ACSL5: variants seen among roughly 807,000 people sequenced by gnomAD.
ACSL5 encodes the protein long-chain-fatty-acid--CoA ligase 5.
Under a neutral mutation model 84.9 loss-of-function variants are expected in ACSL5, and 50 were observed. That is an observed-to-expected ratio of 0.59 (90% CI 0.47 to 0.75). ACSL5 has a LOEUF of 0.75. Ranked by LOEUF, ACSL5 falls within the 30% of genes least tolerant of loss-of-function variation. The pLI is 0.00. For synonymous variants in ACSL5, 280 were observed against 300.7 expected, an observed-to-expected ratio of 0.93 and a Z score of 0.71; for missense variants, 775 against 830.4, an observed-to-expected ratio of 0.93 and a Z score of 0.82.
intron 3 of ACSL5, among the ~76,000 whole-genome samples, chr10:112,402,113 A>G (rs146144461): frequency 6.6e-6 from 1 of 151,874 alleles, no homozygotes; most frequent in African/African-American, 2.4e-5. Flanking sequence ...CTACAGGCTC[A>G]TGCCACCACC....
chr10:112,375,930 C>T (rs1292177282), intron 1 of ACSL5, among the ~76,000 whole-genome samples: 3 of 152,170 alleles, frequency 2.0e-5, no homozygotes, highest in Admixed American at 6.5e-5. Flanking sequence ...TCCTGTCCTC[C>T]GAATCCAGCA....
chr10:112,409,543 AG>A lies in ACSL5; in HGVS notation c.571del (p.Ala191HisfsTer4). ...IAMVICDTPQKALVLIGNVEK... is the reference protein window; with the variant it reads ...IAMVICDTPQXALVLIGNVEK... Reference sequence around the variant, plus strand: ...ATGGTGATCTGTGACACACCCCAAAAGGCATTGGTGCTGATAGGGAATGTAG... The same window carrying A: ...ATGGTGATCTGTGACACACCCCAAAAGCATTGGTGCTGATAGGGAATGTAG... On this transcript the variant is annotated frameshift_variant, in exon 7 of 21. Coordinates refer to ENST00000354655, the MANE Select transcript of ACSL5 (RefSeq NM_203379.2). LOFTEE classifies it high-confidence loss of function. The A allele has an allele frequency of 6.2e-7, 1 of 1,613,842 alleles. No individual in the cohort carries two copies. Among genetic ancestry groups the A allele is most frequent in the Non-Finnish European group, 8.5e-7 (1 of 1,180,006 alleles).
chr10:112,375,795 C>T (rs1849226790), intron 1 of ACSL5, among the ~76,000 whole-genome samples: 1 of 152,198 alleles, frequency 6.6e-6, no homozygotes, highest in Admixed American at 6.5e-5. Flanking sequence ...TCCTGACTTG[C>T]TTATTTTCTT....
At chr10:112,382,612 C>A (rs1849371819) in intron 1 of ACSL5, among the ~76,000 whole-genome samples, 1 of 152,208 alleles carries the variant, frequency 6.6e-6, no homozygotes, top group African/African-American at 2.4e-5. Context: ...GCTCCTGTAG[C>A]TTTTCCTGTG....
intron 1 of ACSL5, among the ~76,000 whole-genome samples, chr10:112,386,653 A>G (rs1278260399): frequency 6.6e-6 from 1 of 152,202 alleles, no homozygotes; most frequent in African/African-American, 2.4e-5. Context: ...TTCCTAAGAA[A>G]GCCTTCATTA....
At chr10:112,396,709 C>T (rs1354364986) in intron 2 of ACSL5, among the ~76,000 whole-genome samples, 1 of 152,034 alleles carries the variant, frequency 6.6e-6, no homozygotes, top group Non-Finnish European at 1.5e-5. Context: ...CACACACACC[C>T]CTCCTTTCCT....
chr10:112,381,510 C>T (rs1480415271), intron 1 of ACSL5, among the ~76,000 whole-genome samples: 1 of 151,558 alleles, frequency 6.6e-6, no homozygotes, highest in Non-Finnish European at 1.5e-5. Flanking sequence ...ACTAAAAATA[C>T]AAAAATTAGC....
chr10:112,419,202 T>C (rs1414283747), intron 14 of ACSL5: 1 of 152,066 alleles, frequency 6.6e-6, no homozygotes, highest in Non-Finnish European at 1.5e-5. Context: ...TACAAGGCCT[T>C]ATTTGCCCAT....
At chr10:112,402,451 T>C in intron 3 of ACSL5, among the ~76,000 whole-genome samples, 1 of 152,196 alleles carries the variant, frequency 6.6e-6, no homozygotes. Context: ...TTAATGTTAG[T>C]ACAAATGATC....
rs188318812 is a variant in ACSL5, at chr10:112,422,302, C to T, written c.1477-23C>T. 47 of 1,598,322 alleles carry T rather than the reference C, an allele frequency of 2.9e-5. No homozygotes were observed. The African/African-American group carries it at 3.8e-4, about 13-fold the overall frequency. ...GAGGAGCAGCCTTTGCTATTGTCAC[C>T]GCCTTGTATGTCTGCTGTGCAGGTC... On this transcript the variant is annotated intron_variant, in intron 16 of 20. Transcript: ENST00000354655.
At chr10:112,395,174 A>G (rs1261197803) in intron 2 of ACSL5, 72 bp downstream of exon 2, 2 of 1,450,858 alleles carry the variant, frequency 1.4e-6, no homozygotes, top group Non-Finnish European at 1.9e-6. Flanking sequence ...ACCTAGGGAT[A>G]GCTCATGAAG....
In ACSL5 at chr10:112,413,244, G is replaced by A. The variant is rs753337545; in HGVS notation, c.1020G>A (p.Met340Ile). Reference sequence around the variant, plus strand: ...ATATTCGGTTGCTGGCTGACGACATGAAGACTTTGAAGCCCACATTGTTTC... The same window carrying A: ...ATATTCGGTTGCTGGCTGACGACATAAAGACTTTGAAGCCCACATTGTTTC... Reference protein sequence around the residue: ...QGDIRLLADDMKTLKPTLFPA... With the variant: ...QGDIRLLADDIKTLKPTLFPA... The change falls in exon 12 of 21, where the codon ATG becomes ATA. Residue 340 changes from methionine (M) to isoleucine (I), a missense_variant. Coordinates refer to ENST00000354655, the MANE Select transcript of ACSL5 (RefSeq NM_203379.2). The A allele has an allele frequency of 3.7e-6, 6 of 1,614,174 alleles. No individual in the cohort carries two copies. Among genetic ancestry groups the A allele is most frequent in the Admixed American group, 3.3e-5 (2 of 60,020 alleles).
intron 1 of ACSL5, among the ~76,000 whole-genome samples, chr10:112,392,598 C>T (rs922269636): frequency 6.6e-6 from 1 of 151,892 alleles, no homozygotes; most frequent in African/African-American, 2.4e-5. Flanking sequence ...AAAAGTAGGC[C>T]GGCATGGTGG....
intron 1 of ACSL5, among the ~76,000 whole-genome samples, chr10:112,384,649 C>A (rs192893462): frequency 6.6e-6 from 1 of 151,996 alleles, no homozygotes; most frequent in Non-Finnish European, 1.5e-5. Flanking sequence ...TGGGGACTAC[C>A]GGCATGCACC....
chr10:112,425,452 C>G lies in ACSL5; in HGVS notation c.1708C>G (p.Gln570Glu). ...NIYNRSQPVL[Q>E]IFVHGESLRS... ...CTACAACAGGAGTCAACCAGTGTTACAAATTTTTGTACACGGGGAGAGCTT... is the reference window on the plus strand; with the variant it reads ...CTACAACAGGAGTCAACCAGTGTTAGAAATTTTTGTACACGGGGAGAGCTT... The change falls in exon 18 of 21, where the codon CAA becomes GAA. Residue 570 changes from glutamine (Q) to glutamate (E), a missense_variant. By Grantham distance (29) the Gln-to-Glu change is conservative. Transcript: ENST00000354655. The G allele has an allele frequency of 1.2e-6, 2 of 1,612,724 alleles. No individual in the cohort carries two copies. Among genetic ancestry groups the G allele is most frequent in the Non-Finnish European group, 1.7e-6 (2 of 1,179,472 alleles).
intron 3 of ACSL5, among the ~76,000 whole-genome samples, chr10:112,401,348 T>C (rs1326811880): frequency 6.6e-6 from 1 of 152,264 alleles, no homozygotes; most frequent in Non-Finnish European, 1.5e-5. Flanking sequence ...TGGTTACACC[T>C]TAGGTTCACT....
intron 1 of ACSL5, among the ~76,000 whole-genome samples, chr10:112,391,761 T>C (rs1843647836): frequency 6.6e-6 from 1 of 152,176 alleles, no homozygotes; most frequent in African/African-American, 2.4e-5. Flanking sequence ...AAATTGAGGT[T>C]TCAAAAAATG....
rs528727750 is a variant in ACSL5, at chr10:112,392,931, A to C, written c.-29-1987A>C. The stretch of plus-strand genomic sequence containing the variant: ...CCGTGTCTCAAATATATATATATAT[A>C]TATCCAGTCTTGTCACAATATCCCA... On this transcript the variant is annotated intron_variant, in intron 1 of 20. Coordinates refer to ENST00000354655, the MANE Select transcript of ACSL5 (RefSeq NM_203379.2). 2.6e-4 allele frequency among the ~76,000 whole-genome samples: 40 copies of C among 152,090 alleles called. No homozygotes were observed. In the South Asian group the frequency reaches 7.9e-3, roughly 30 times the overall value.
Position 112,426,312 on chromosome 10 carries a change from G to C in ACSL5, c.1792G>C (p.Ala598Pro). ...PDTDVLPSFAAKLGVKGSFEE... is the reference protein window; with the variant it reads ...PDTDVLPSFAPKLGVKGSFEE... ...CACAGATGTACTTCCCTCATTTGCA[G>C]CCAAGCTTGGGGTGAAGGGCTCCTT... Residue 598 changes from alanine to proline, a missense_variant, in exon 19 of 21, where the codon GCC (alanine) becomes CCC (proline). Transcript: ENST00000354655. 1 of 1,614,092 alleles carries C rather than the reference G, an allele frequency of 6.2e-7. No individual in the cohort carries two copies. Among genetic ancestry groups the C allele is most frequent in the East Asian group, 2.2e-5 (1 of 44,854 alleles).
Sources: gnomAD v4.1 joint callset for allele counts (sites outside exome capture counted in the v4.1 genomes callset) on GRCh38, gnomAD v4.1.1 for gene constraint, MANE v1.5 for transcripts, NCBI Gene and HGNC (gene_info 2026-07-23, HGNC 2026-07-21) for gene names.